ARHGEF7: variants seen among roughly 807,000 people sequenced by gnomAD.
The protein encoded by ARHGEF7 is Rho guanine nucleotide exchange factor 7.
ARHGEF7 carries 33 observed loss-of-function variants against 109.8 expected under a neutral mutation model. The observed-to-expected ratio is 0.30, with a 90% confidence interval of 0.23 to 0.40. ARHGEF7 has a LOEUF of 0.40. Ranked by LOEUF, ARHGEF7 falls within the 10% of genes least tolerant of loss-of-function variation. The pLI is 1.00. For synonymous variants in ARHGEF7, 458 were observed against 424.6 expected (o/e 1.08, Z -0.97); for missense variants, 938 against 1,098.5 (o/e 0.85, Z 2.07).
At chr13:111,240,433 A>G (rs1487862679) in intron 6 of ARHGEF7, among the ~76,000 whole-genome samples, 2 of 152,238 alleles carry the variant, frequency 1.3e-5, no homozygotes, top group African/African-American at 4.8e-5. Flanking sequence ...AACACACCAC[A>G]TTAAATCAGC....
At chr13:111,296,444 C>A (rs1164339089) in intron 19 of ARHGEF7, among the ~76,000 whole-genome samples, 2 of 152,044 alleles carry the variant, frequency 1.3e-5, no homozygotes, top group Non-Finnish European at 2.9e-5. Context: ...GATTTTTCAG[C>A]ACTGGGCAGG....
At position 111,277,572 on chromosome 13, in the gene ARHGEF7, C is replaced by A; in HGVS notation, c.1420-15C>A. Reference sequence around the variant, plus strand: ...GTTTTTTAAGAAATGTTTTGGATTTCTTTTTTTGTATTAGGAAAAGAATGA... The same window carrying A: ...GTTTTTTAAGAAATGTTTTGGATTTATTTTTTTGTATTAGGAAAAGAATGA... On this transcript the variant is annotated splice_polypyrimidine_tract_variant and intron_variant, in intron 12 of 21. Coordinates refer to ENST00000646102, the MANE Select transcript of ARHGEF7 (RefSeq NM_001354046.2). The A allele has an allele frequency of 6.5e-7, 1 of 1,535,412 alleles. No homozygotes were observed. Among genetic ancestry groups the A allele is most frequent in the Non-Finnish European group, 9.0e-7 (1 of 1,113,802 alleles).
intron 1 of ARHGEF7, among the ~76,000 whole-genome samples, chr13:111,141,736 C>G (rs2075360958): frequency 6.6e-6 from 1 of 152,042 alleles, no homozygotes; most frequent in Admixed American, 6.5e-5. Flanking sequence ...GAAGTACATC[C>G]TGGTTGCTTC....
chr13:111,155,562 C>T (rs1406641946), intron 2 of ARHGEF7, among the ~76,000 whole-genome samples: 4 of 152,158 alleles, frequency 2.6e-5, no homozygotes, highest in East Asian at 1.9e-4. Flanking sequence ...TACCCTTTGT[C>T]GTATCAGCTT....
intron 6 of ARHGEF7, among the ~76,000 whole-genome samples, chr13:111,236,407 T>C (rs1389324272): frequency 6.6e-6 from 1 of 152,190 alleles, no homozygotes; most frequent in East Asian, 1.9e-4. Context: ...TCCTATGATT[T>C]TTTAAATTGA....
intron 1 of ARHGEF7, among the ~76,000 whole-genome samples, chr13:111,153,169 C>T (rs1370678122): frequency 6.6e-6 from 1 of 152,250 alleles, no homozygotes; most frequent in Non-Finnish European, 1.5e-5. Context: ...CTGCGCTCTC[C>T]ATGAGCCTAG....
At chr13:111,204,034 A>G (rs1222757787) in intron 2 of ARHGEF7, among the ~76,000 whole-genome samples, 1 of 152,186 alleles carries the variant, frequency 6.6e-6, no homozygotes, top group Non-Finnish European at 1.5e-5. Context: ...ATCCACCATC[A>G]AACTATCATG....
At chr13:111,116,807 A>G (rs2066820670) in intron 1 of ARHGEF7, among the ~76,000 whole-genome samples, 1 of 152,244 alleles carries the variant, frequency 6.6e-6, no homozygotes, top group African/African-American at 2.4e-5. Flanking sequence ...TACATTTTAA[A>G]TGAGGTCAGA....
At chr13:111,185,961 C>CGTGTGTGTGTGTGTGTGTGTGTGT (rs71127998) in intron 2 of ARHGEF7, among the ~76,000 whole-genome samples, 4 of 135,778 alleles carry the variant, frequency 2.9e-5, no homozygotes, top group Admixed American at 7.3e-5. Context: ...TTTGGGAGCT[C>CGTGTGTGTGTGTGTGTGTGTGTGT]GTGTGTGTGT....
intron 15 of ARHGEF7, 35 bp downstream of exon 15, chr13:111,280,712 C>T (rs1336079039): frequency 3.4e-6 from 5 of 1,467,046 alleles, no homozygotes; most frequent in Non-Finnish European, 3.6e-6. Context: ...TTCCAGACTC[C>T]AGGCGTGGCA....
At chr13:111,230,110 CCT>C (rs2085833633) in intron 5 of ARHGEF7, among the ~76,000 whole-genome samples, 1 of 152,098 alleles carries the variant, frequency 6.6e-6, no homozygotes, top group Non-Finnish European at 1.5e-5. Context: ...CATGTCATCC[CCT>C]CTTTTTCTTT....
At chr13:111,203,920 G>A (rs1304790411) in intron 2 of ARHGEF7, among the ~76,000 whole-genome samples, 2 of 152,192 alleles carry the variant, frequency 1.3e-5, no homozygotes, top group East Asian at 1.9e-4. Flanking sequence ...GCTGGTGCAC[G>A]TCTCCATTCG....
At chr13:111,124,387 C>T (rs79411688) in intron 1 of ARHGEF7, among the ~76,000 whole-genome samples, 3 of 152,278 alleles carry the variant, frequency 2.0e-5, no homozygotes, top group African/African-American at 7.2e-5. Flanking sequence ...ACCTGTTGGT[C>T]TCTTCTCCAG....
At chr13:111,156,101 A>G (rs2076308581) in intron 2 of ARHGEF7, among the ~76,000 whole-genome samples, 2 of 149,876 alleles carry the variant, frequency 1.3e-5, no homozygotes, top group African/African-American at 4.9e-5. Context: ...AAAAAAAAAA[A>G]AGTAAATTGA....
At chr13:111,156,512 C>A (rs958454876) in intron 2 of ARHGEF7, among the ~76,000 whole-genome samples, 2 of 152,166 alleles carry the variant, frequency 1.3e-5, no homozygotes, top group African/African-American at 4.8e-5. Flanking sequence ...CATGAAAAAC[C>A]TGATAAATTG....
At chr13:111,139,181 G>A (rs1470472481) in intron 1 of ARHGEF7, among the ~76,000 whole-genome samples, 1 of 152,194 alleles carries the variant, frequency 6.6e-6, no homozygotes, top group Non-Finnish European at 1.5e-5. Flanking sequence ...GAACTTGATC[G>A]AGGACTCATC....
At chr13:111,207,282 C>A (rs1039609271) in intron 3 of ARHGEF7, among the ~76,000 whole-genome samples, 5 of 152,230 alleles carry the variant, frequency 3.3e-5, no homozygotes, top group Non-Finnish European at 5.9e-5. Context: ...AGTCCTCCCA[C>A]CTCGGCCTCC....
intron 19 of ARHGEF7, chr13:111,292,833 A>T: frequency 1.0e-6 from 1 of 992,532 alleles, no homozygotes; most frequent in Non-Finnish European, 1.2e-6. Context: ...CTGTGAGCCC[A>T]GTTCCAACGG....
chr13:111,263,475 G>A (rs775694891), intron 8 of ARHGEF7, among the ~76,000 whole-genome samples: 2 of 152,162 alleles, frequency 1.3e-5, no homozygotes, highest in African/African-American at 2.4e-5. Flanking sequence ...TGAATGGATC[G>A]GGGCTGTGGC....
Sources: gnomAD v4.1 joint callset for allele counts (sites outside exome capture counted in the v4.1 genomes callset) on GRCh38, gnomAD v4.1.1 for gene constraint, MANE v1.5 for transcripts, NCBI Gene and HGNC (gene_info 2026-07-23, HGNC 2026-07-21) for gene names.